SPNS2: variants seen among roughly 807,000 people sequenced by gnomAD.
SPNS2 encodes SPNS lysolipid transporter 2, sphingosine-1-phosphate.
A neutral mutation model predicts 57.6 loss-of-function variants in SPNS2; 37 were observed. That is an observed-to-expected ratio of 0.64 (90% CI 0.49 to 0.85). SPNS2 has a LOEUF of 0.85. SPNS2 is among the 40% of genes least tolerant of loss of function. SPNS2 has a pLI of 0.00. For missense variants in SPNS2, 831 were observed against 779.1 expected, an observed-to-expected ratio of 1.07 and a Z score of -0.79; for synonymous variants, 440 against 346.9, an observed-to-expected ratio of 1.27 and a Z score of -2.98.
chr17:4,501,225 C>T (rs1198565363), intron 1 of SPNS2, among the ~76,000 whole-genome samples: 1 of 152,168 alleles, frequency 6.6e-6, no homozygotes, highest in African/African-American at 2.4e-5. Flanking sequence ...AATGGTACTA[C>T]TTCTGGCACT....
chr17:4,536,896 C>T lies in SPNS2; in HGVS notation c.1608-4C>T, dbSNP rs765547147. The T allele has an allele frequency of 3.7e-6, 6 of 1,613,366 alleles. No homozygotes were observed. The Admixed American group carries it at 5.0e-5, about 13-fold the overall frequency. ...ACCCTGACCCCCGCCCGTCTCTCCC[C>T]CAGGGTGAACCAGCTGGCGATGCCG... On this transcript the variant is annotated splice_polypyrimidine_tract_variant and splice_region_variant and intron_variant, in intron 11 of 12. Transcript: ENST00000329078.
At position 4,533,111 on chromosome 17, in the gene SPNS2, C is replaced by A; in HGVS notation, c.1070C>A (p.Pro357His). The stretch of plus-strand genomic sequence containing the variant: ...ACAGCAGAGACGTGCAACAGCCCGC[C>A]CTGTGGGGCCAAGGACAGGTGGGGC... ...QKTAETCNSP[P>H]CGAKDSLIFG... The change falls in exon 7 of 13, where the codon CCC (proline) becomes CAC (histidine). Residue 357 changes from proline (P) to histidine (H), a missense_variant. Physicochemically the swap from Pro to His is moderately conservative, Grantham distance 77. This residue lies in a region of SPNS2 where 526 missense variants were observed against 400.9 expected (regional missense o/e 1.31). Transcript: ENST00000329078. The A allele has an allele frequency of 6.2e-7, 1 of 1,611,348 alleles. No individual in the cohort carries two copies. Among genetic ancestry groups the A allele is most frequent in the Non-Finnish European group, 8.5e-7 (1 of 1,178,920 alleles).
intron 2 of SPNS2, 30 bp from the exon 3 acceptor site, chr17:4,525,027 G>GCC (rs763993042): frequency 6.2e-7 from 1 of 1,607,236 alleles, no homozygotes; most frequent in African/African-American, 1.3e-5. Context: ...AGGGACCTGG[G>GCC]CCCCCCCTCA....
At chr17:4,516,338 AAAAAAC>A (rs1567590047) in intron 2 of SPNS2, among the ~76,000 whole-genome samples, 3 of 124,282 alleles carry the variant, frequency 2.4e-5, no homozygotes, top group Admixed American at 8.0e-5. Flanking sequence ...AAAAAAAAAA[AAAAAAC>A]AAAAAAACCG....
Position 4,530,485 on chromosome 17 carries a change from C to G in SPNS2, c.574-147C>G, listed in dbSNP as rs966108963. 3.2e-6 allele frequency: 3 copies of G among 936,388 alleles called. No individual in the cohort carries two copies. In the South Asian group the frequency reaches 5.0e-5, roughly 16 times the overall value. The allele number at this position is 936,388 out of a possible 1,614,324, so 58.0% of individuals were successfully genotyped here. The stretch of plus-strand genomic sequence containing the variant: ...GCCCGGAGTGGCTGGGGGAGGTGGT[C>G]TTTACGGAGGTGCAGCCCACCAGCA... On this transcript the variant is annotated intron_variant, in intron 3 of 12. Transcript: ENST00000329078.
chr17:4,522,830 G>A (rs572960394), intron 2 of SPNS2, among the ~76,000 whole-genome samples: 336 of 152,336 alleles, frequency 2.2e-3, no homozygotes, highest in South Asian at 0.012. Flanking sequence ...TCCCACCTGG[G>A]ACCTCCAAGG....
chr17:4,536,109 G>C lies in SPNS2; in HGVS notation c.1378G>C (p.Val460Leu). Residue 460 changes from valine to leucine, a missense_variant, in exon 10 of 13, where the codon GTG (valine) becomes CTG (leucine). Around this residue, in one of 2 missense-constraint regions of SPNS2, gnomAD observed 526 missense variants for 400.9 expected, o/e 1.31. Transcript: ENST00000329078. ...VVIPTRRATA[V>L]ALQSFTSHLL... ...CATCCCCACGCGGCGCGCCACTGCC[G>C]TGGCCTTGCAGAGCTTCACCTCCCA... 1 of 1,612,348 alleles carries C rather than the reference G, an allele frequency of 6.2e-7. No individual in the cohort carries two copies. Among genetic ancestry groups the C allele is most frequent in the Non-Finnish European group, 8.5e-7 (1 of 1,179,792 alleles).
intron 3 of SPNS2, among the ~76,000 whole-genome samples, chr17:4,527,033 A>G (rs1242854164): frequency 6.6e-6 from 1 of 152,182 alleles, no homozygotes; most frequent in African/African-American, 2.4e-5. Flanking sequence ...ACTGACCAGT[A>G]AGTCTAGGAC....
intron 2 of SPNS2, among the ~76,000 whole-genome samples, chr17:4,522,030 C>G (rs1011780008): frequency 2.6e-5 from 4 of 152,212 alleles, no homozygotes; most frequent in African/African-American, 9.6e-5. Context: ...AAAACCTTGT[C>G]TCTACTAAAC....
intron 11 of SPNS2, 111 bp from the exon 12 acceptor site, chr17:4,536,789 C>T (rs139165814): frequency 1.1e-6 from 1 of 889,118 alleles, no homozygotes; most frequent in African/African-American, 1.6e-5. Flanking sequence ...TGACGAGGTC[C>T]CTGCCCAGCA....
chr17:4,533,614 C>A lies in SPNS2; in HGVS notation c.1279-174C>A, dbSNP rs2144371378. Reference sequence around the variant, plus strand: ...CAGCCTGTCCAGGGCCTCTGGGTGCCTCAGGGCCGTGGGCATGGCTTGAAG... The same window carrying A: ...CAGCCTGTCCAGGGCCTCTGGGTGCATCAGGGCCGTGGGCATGGCTTGAAG... On this transcript the variant is annotated intron_variant, in intron 8 of 12. Coordinates refer to ENST00000329078, the MANE Select transcript of SPNS2 (RefSeq NM_001124758.3). 7.0e-6 allele frequency: 7 copies of A among 1,005,008 alleles called. 1 individual carries two copies. In the South Asian group the frequency reaches 9.2e-5, roughly 13 times the overall value. 62.3% of individuals were successfully genotyped at this position (1,005,008 alleles called of 1,614,324 possible).
At chr17:4,508,204 G>A (rs1163010535) in intron 1 of SPNS2, among the ~76,000 whole-genome samples, 1 of 152,210 alleles carries the variant, frequency 6.6e-6, no homozygotes, top group African/African-American at 2.4e-5. Context: ...GGTGAGGCAG[G>A]TCTTAATGGC....
intron 5 of SPNS2, among the ~76,000 whole-genome samples, chr17:4,531,336 G>A (rs1315827556): frequency 1.3e-5 from 2 of 152,056 alleles, no homozygotes; most frequent in East Asian, 1.9e-4. Flanking sequence ...CAGCCCCGCC[G>A]CCCTCGGGGC....
chr17:4,536,453 C>A lies in SPNS2; in HGVS notation c.1607+27C>A, dbSNP rs781648815. ...TGAGTGGGGGGGAGGGGAGGCCCTG[C>A]TGCACCGCCGGGAAGCAGGGACCGT... On this transcript the variant is annotated intron_variant, in intron 11 of 12. Transcript: ENST00000329078. 32 of 1,580,542 alleles carry A rather than the reference C, an allele frequency of 2.0e-5. 1 individual carries two copies. The South Asian group carries it at 2.1e-4, about 10-fold the overall frequency.
In SPNS2 at chr17:4,538,773, G is replaced by A. The variant is rs932448644; in HGVS notation, c.*1325G>A. On this transcript the variant is annotated 3_prime_UTR_variant, in exon 13 of 13. Transcript: ENST00000329078. ...GTGGAATACTCACCCACCAAGCTCT[G>A]GGGTACCCCGAGGGCCTGACAAGAG... 4.1e-6 allele frequency: 3 copies of A among 735,514 alleles called. No individual in the cohort carries two copies. In the Admixed American group the frequency reaches 6.2e-5, roughly 15 times the overall value. 45.6% of individuals were successfully genotyped at this position (735,514 alleles called of 1,614,324 possible). A position where few individuals can be genotyped will look rare whatever the true frequency, so the allele number is the denominator to read the frequency against.
chr17:4,537,179 G>A (rs894547162), intron 12 of SPNS2, among the ~76,000 whole-genome samples: 1 of 152,150 alleles, frequency 6.6e-6, no homozygotes, highest in African/African-American at 2.4e-5. Context: ...AGGGCTGGGT[G>A]GGGCCTCGCA....
At position 4,536,190 on chromosome 17, in the gene SPNS2, GT is replaced by G. The variant is rs1278592975; in HGVS notation, c.1443+17del. The stretch of plus-strand genomic sequence containing the variant: ...CATTGGCTTTGTGAGTAGCCCCGGG[GT>G]GGGGCTGGCCAGGGCAGGCTGGGGG... On this transcript the variant is annotated intron_variant, in intron 10 of 12. Coordinates refer to ENST00000329078, the MANE Select transcript of SPNS2 (RefSeq NM_001124758.3). The G allele has an allele frequency of 1.9e-6, 3 of 1,610,090 alleles. No individual in the cohort carries two copies. Among genetic ancestry groups the G allele is most frequent in the Non-Finnish European group, 1.7e-6 (2 of 1,178,750 alleles).
At chr17:4,534,178 G>T (rs570706511) in intron 9 of SPNS2, among the ~76,000 whole-genome samples, 1 of 152,150 alleles carries the variant, frequency 6.6e-6, no homozygotes, top group East Asian at 1.9e-4. Flanking sequence ...TCCTCCCCCC[G>T]CTGGGTCTGA....
At chr17:4,500,807 C>T (rs1469323245) in intron 1 of SPNS2, among the ~76,000 whole-genome samples, 1 of 151,950 alleles carries the variant, frequency 6.6e-6, no homozygotes, top group Non-Finnish European at 1.5e-5. Context: ...CCCCTCCCCC[C>T]ATTCCTGCTT....
Sources: allele counts gnomAD v4.1 joint callset (sites outside exome capture counted in the v4.1 genomes callset), GRCh38; gene constraint gnomAD v4.1.1; regional missense constraint gnomAD v4.1.1; transcripts MANE v1.5; gene names NCBI Gene and HGNC (gene_info 2026-07-23, HGNC 2026-07-21).